Variants in PTK2B observed in about 807,000 individuals in gnomAD.
The protein encoded by PTK2B is protein-tyrosine kinase 2-beta.
PTK2B carries 71 observed loss-of-function variants against 142.9 expected under a neutral mutation model. The observed-to-expected ratio is 0.50, with a 90% CI of 0.41 to 0.61. The LOEUF (loss-of-function observed/expected upper bound fraction) is 0.61. Ranked by LOEUF, PTK2B falls within the 20% of genes least tolerant of loss-of-function variation. PTK2B has a pLI of 0.00. For missense variants in PTK2B, 1,105 were observed against 1,320.4 expected, an observed-to-expected ratio of 0.84 and a Z score of 2.53; for synonymous variants, 519 against 503.4, an observed-to-expected ratio of 1.03 and a Z score of -0.42.
At chr8:27,316,725 G>A (rs1803103402) in intron 3 of PTK2B, among the ~76,000 whole-genome samples, 1 of 152,214 alleles carries the variant, frequency 6.6e-6, no homozygotes, top group African/African-American at 2.4e-5. Context: ...CAAGGAGGGT[G>A]GGAGCTCTCA....
At chr8:27,346,346 G>A (rs1275176342) in intron 1 of PTK2B, among the ~76,000 whole-genome samples, 1 of 152,096 alleles carries the variant, frequency 6.6e-6, no homozygotes, top group Non-Finnish European at 1.5e-5. Context: ...ACTAGCCTGG[G>A]CAACATGACG....
chr8:27,319,457 A>G (rs1200270125), intron 3 of PTK2B, among the ~76,000 whole-genome samples: 2 of 150,194 alleles, frequency 1.3e-5, no homozygotes, highest in Admixed American at 6.6e-5. Flanking sequence ...CCGGGCTAAC[A>G]TGGTGAAACC....
At chr8:27,311,187 C>A (rs781462069), upstream of PTK2B, 1 of 1,601,954 alleles carries the variant, frequency 6.2e-7, no homozygotes, top group Admixed American at 1.7e-5. Context: ...AGCAACTCCT[C>A]CTTGAAGGAG....
chr8:27,361,336 A>G (rs1805690873), intron 1 of PTK2B, among the ~76,000 whole-genome samples: 1 of 152,054 alleles, frequency 6.6e-6, no homozygotes, highest in African/African-American at 2.4e-5. Flanking sequence ...CTCCCATCTT[A>G]GCCTCCCGAG....
chr8:27,312,583 C>T (rs1803001784), intron 2 of PTK2B, among the ~76,000 whole-genome samples: 1 of 152,116 alleles, frequency 6.6e-6, no homozygotes. Flanking sequence ...TTTTGGCATG[C>T]AAACTTGTTA....
At chr8:27,409,369 G>A (rs1808916450) in intron 2 of PTK2B, among the ~76,000 whole-genome samples, 1 of 152,138 alleles carries the variant, frequency 6.6e-6, no homozygotes, top group Non-Finnish European at 1.5e-5. Flanking sequence ...AGCATAACAG[G>A]GAGCTCACCA....
At chr8:27,400,862 G>A (rs766818799) in intron 2 of PTK2B, among the ~76,000 whole-genome samples, 1 of 152,196 alleles carries the variant, frequency 6.6e-6, no homozygotes, top group Non-Finnish European at 1.5e-5. Context: ...TTATGCAATG[G>A]ATGCCATGCA....
At chr8:27,427,140 C>T (rs1361380088) in intron 5 of PTK2B, among the ~76,000 whole-genome samples, 1 of 152,172 alleles carries the variant, frequency 6.6e-6, no homozygotes, top group Non-Finnish European at 1.5e-5. Flanking sequence ...GTAAACTCTT[C>T]TATCTTCTGG....
At chr8:27,437,976 G>A (rs766057678) in intron 18 of PTK2B, 96 bp downstream of exon 18, 22 of 1,099,466 alleles carry the variant, frequency 2.0e-5, no homozygotes, top group Non-Finnish European at 2.8e-5. Context: ...GTGACACAGA[G>A]CAGTGTTGGA....
intron 4 of PTK2B, among the ~76,000 whole-genome samples, chr8:27,421,022 CAGGTCCA>C (rs1809714377): frequency 6.6e-6 from 1 of 152,182 alleles, no homozygotes; most frequent in Non-Finnish European, 1.5e-5. Flanking sequence ...ACAGCAAGAG[CAGGTCCA>C]AGATGAATCC....
intron 11 of PTK2B, among the ~76,000 whole-genome samples, 167 bp downstream of exon 11, chr8:27,433,719 T>C (rs1810589792): frequency 6.6e-6 from 1 of 152,216 alleles, no homozygotes; most frequent in Admixed American, 6.5e-5. Flanking sequence ...CTTTAAGCCC[T>C]GGCCGGTCCA....
At chr8:27,365,991 C>G (rs1805997280) in intron 1 of PTK2B, among the ~76,000 whole-genome samples, 2 of 152,246 alleles carry the variant, frequency 1.3e-5, no homozygotes, top group African/African-American at 2.4e-5. Context: ...TCTGTTGACA[C>G]TGCCCCAGAA....
intron 1 of PTK2B, among the ~76,000 whole-genome samples, chr8:27,332,641 G>T (rs1171491056): frequency 6.6e-6 from 1 of 151,992 alleles, no homozygotes; most frequent in Non-Finnish European, 1.5e-5. Context: ...GAGTACAGTG[G>T]TGCGATCACA....
chr8:27,340,211 A>T (rs572684708), intron 1 of PTK2B, among the ~76,000 whole-genome samples: 1 of 152,398 alleles, frequency 6.6e-6, no homozygotes, highest in African/African-American at 2.4e-5. Flanking sequence ...AGGCAGCCAC[A>T]GTGAGACCAG....
intron 1 of PTK2B, among the ~76,000 whole-genome samples, chr8:27,342,760 T>C (rs1447164165): frequency 5.9e-5 from 9 of 152,240 alleles, no homozygotes; most frequent in Admixed American, 5.2e-4. Context: ...TTATCATTCA[T>C]TGGACATGTG....
chr8:27,318,572 G>A (rs1296707894), intron 3 of PTK2B, among the ~76,000 whole-genome samples: 9 of 152,166 alleles, frequency 5.9e-5, no homozygotes, highest in Non-Finnish European at 7.4e-5. Context: ...ATCCTGAAGC[G>A]TGCCCAATAG....
intron 5 of PTK2B, among the ~76,000 whole-genome samples, chr8:27,425,368 G>A (rs1204401304): frequency 6.6e-6 from 1 of 151,964 alleles, no homozygotes; most frequent in East Asian, 1.9e-4. Context: ...CAACGACAGG[G>A]ACCAAAGTAT....
intron 3 of PTK2B, among the ~76,000 whole-genome samples, chr8:27,315,111 G>A (rs1803064248): frequency 6.6e-6 from 1 of 152,120 alleles, no homozygotes; most frequent in Non-Finnish European, 1.5e-5. Context: ...CTTTTCCTCA[G>A]CATAGTCCTT....
chr8:27,390,229 G>A (rs1203604854), intron 1 of PTK2B, among the ~76,000 whole-genome samples: 3 of 152,160 alleles, frequency 2.0e-5, no homozygotes, highest in African/African-American at 7.2e-5. Flanking sequence ...GTGCATGGAG[G>A]AAGGCAGGGC....
Sources: allele counts gnomAD v4.1 joint callset (sites outside exome capture counted in the v4.1 genomes callset), GRCh38; gene constraint gnomAD v4.1.1; transcripts MANE v1.5; gene names NCBI Gene and HGNC (gene_info 2026-07-23, HGNC 2026-07-21).